The following DPP6 variants were observed in gnomAD, a reference collection of about 807,000 sequenced individuals.
DPP6 encodes the protein A-type potassium channel modulatory protein DPP6.
A neutral mutation model predicts 122.6 loss-of-function variants in DPP6; 69 were observed. The ratio of observed to expected loss-of-function variants is 0.56; its 90% CI spans 0.46 to 0.69. The LOEUF is 0.69. Among genes scored for constraint, DPP6 ranks in the 30% least tolerant of loss-of-function variants. The pLI is 0.00. For synonymous variants in DPP6, 418 were observed against 433.1 expected, an observed-to-expected ratio of 0.97 and a Z score of 0.43; for missense variants, 928 against 1,116.9, an observed-to-expected ratio of 0.83 and a Z score of 2.41.
At chr7:154,348,523 G>A (rs968600570) in intron 1 of DPP6, among the ~76,000 whole-genome samples, 21 of 152,138 alleles carry the variant, frequency 1.4e-4, no homozygotes, top group African/African-American at 5.1e-4. Flanking sequence ...TTAAAGGATA[G>A]CATCATAGAA....
upstream of DPP6, among the ~76,000 whole-genome samples, chr7:153,885,856 C>T (rs1468333880): frequency 1.3e-5 from 2 of 152,112 alleles, no homozygotes; most frequent in African/African-American, 2.4e-5. Context: ...TGCACATGTC[C>T]TAATGTTTTT....
chr7:153,928,360 C>A (rs1801003349), intron 1 of DPP6, among the ~76,000 whole-genome samples: 1 of 137,180 alleles, frequency 7.3e-6, no homozygotes. Context: ...TACAGGCGTG[C>A]ACCACCATAC....
intron 1 of DPP6, among the ~76,000 whole-genome samples, chr7:154,393,235 C>A (rs1228648097): frequency 6.6e-6 from 1 of 152,046 alleles, no homozygotes; most frequent in African/African-American, 2.4e-5. Flanking sequence ...TTTAACTGCC[C>A]CCAAATGGAG....
intron 1 of DPP6, among the ~76,000 whole-genome samples, chr7:154,441,757 G>A (rs547878919): frequency 6.6e-6 from 1 of 152,144 alleles, no homozygotes; most frequent in Non-Finnish European, 1.5e-5. Flanking sequence ...AGACATTGTG[G>A]TGTCTACAAT....
At chr7:154,684,917 G>A (rs1212505908) in intron 7 of DPP6, among the ~76,000 whole-genome samples, 2 of 152,160 alleles carry the variant, frequency 1.3e-5, no homozygotes, top group African/African-American at 4.8e-5. Context: ...AGGGAATGCT[G>A]CCTTTTAAAT....
chr7:154,438,457 G>C (rs1819071020), intron 1 of DPP6, among the ~76,000 whole-genome samples: 2 of 100,548 alleles, frequency 2.0e-5, no homozygotes, highest in South Asian at 8.0e-4. Flanking sequence ...GTGACAGAGT[G>C]AGACTCCAAC....
chr7:154,437,002 A>G (rs1818927299), intron 1 of DPP6, among the ~76,000 whole-genome samples: 2 of 152,182 alleles, frequency 1.3e-5, no homozygotes, highest in African/African-American at 4.8e-5. Flanking sequence ...TGTGATTTGC[A>G]TGGCTATATG....
chr7:153,951,750 CAAG>C (rs1210641759), intron 1 of DPP6, among the ~76,000 whole-genome samples: 1 of 152,112 alleles, frequency 6.6e-6, no homozygotes, highest in African/African-American at 2.4e-5. Flanking sequence ...ACATGATAAT[CAAG>C]AAAAACTGAC....
rs564731376 is a variant in DPP6 at position 154,634,798 on chromosome 7, T to C, written c.628-3023T>C. Among the ~76,000 whole-genome samples, 4 of 152,246 alleles carry C rather than the reference T, an allele frequency of 2.6e-5. No homozygotes were observed. The East Asian group carries it at 5.8e-4, about 22-fold the overall frequency. ...TCTTATGAGCACCACTTAAAAGATA[T>C]CCACAGAGCTGAATTGCAGGGGTGT... On this transcript the variant is annotated intron_variant, in intron 5 of 25. Transcript: ENST00000377770.
chr7:154,838,161 A>G (rs1480865704), intron 16 of DPP6, among the ~76,000 whole-genome samples: 1 of 152,262 alleles, frequency 6.6e-6, no homozygotes, highest in East Asian at 1.9e-4. Flanking sequence ...TAATGACAGC[A>G]GTAAAATAAT....
At chr7:154,312,944 G>T (rs6464402) in intron 1 of DPP6, among the ~76,000 whole-genome samples, 29,859 of 152,080 alleles carry the variant, frequency 0.2, 4,047 homozygotes, top group African/African-American at 0.38. Context: ...ATGAAAATAA[G>T]TTATTTCTTT....
intron 1 of DPP6, among the ~76,000 whole-genome samples, chr7:153,946,489 T>C (rs1801952850): frequency 6.6e-6 from 1 of 152,270 alleles, no homozygotes; most frequent in African/African-American, 2.4e-5. Context: ...GTCACTTTCA[T>C]TGACATCTTG....
chr7:153,940,637 T>G (rs912422618), intron 1 of DPP6, among the ~76,000 whole-genome samples: 2 of 152,126 alleles, frequency 1.3e-5, no homozygotes, highest in African/African-American at 4.8e-5. Flanking sequence ...TATTTCCCCT[T>G]GCATCTCCCT....
intron 16 of DPP6, among the ~76,000 whole-genome samples, chr7:154,834,180 G>A (rs1420340349): frequency 2.0e-5 from 3 of 151,936 alleles, no homozygotes; most frequent in African/African-American, 4.8e-5. Flanking sequence ...ATTAACAACA[G>A]CTCCCAGCCG....
At chr7:154,427,143 A>C (rs979220288) in intron 1 of DPP6, among the ~76,000 whole-genome samples, 1 of 152,206 alleles carries the variant, frequency 6.6e-6, no homozygotes, top group Non-Finnish European at 1.5e-5. Context: ...TGATGTTTTT[A>C]GTTTTCTGCT....
chr7:154,429,068 A>G (rs371839005), intron 1 of DPP6, among the ~76,000 whole-genome samples: 1 of 151,906 alleles, frequency 6.6e-6, no homozygotes, highest in East Asian at 1.9e-4. Flanking sequence ...TAGTCAAAGC[A>G]CCACTGATTT....
chr7:154,097,006 C>G (rs113981349), intron 1 of DPP6, among the ~76,000 whole-genome samples: 37,263 of 151,252 alleles, frequency 0.25, 4,431 homozygotes, highest in Admixed American at 0.34. Context: ...CCGTGTGCTC[C>G]CCTTGTAGGT....
chr7:154,831,140 A>C (rs968763850), intron 16 of DPP6, among the ~76,000 whole-genome samples: 4 of 152,204 alleles, frequency 2.6e-5, no homozygotes, highest in African/African-American at 9.6e-5. Flanking sequence ...AGACCTCTCC[A>C]TCTGGAAAGA....
chr7:153,896,222 A>G (rs1007056959), intron 1 of DPP6, among the ~76,000 whole-genome samples: 1 of 152,234 alleles, frequency 6.6e-6, no homozygotes, highest in African/African-American at 2.4e-5. Context: ...AACAACTTTT[A>G]GTAAAACCTC....
Sources: gnomAD v4.1 joint callset for allele counts (sites outside exome capture counted in the v4.1 genomes callset) on GRCh38, gnomAD v4.1.1 for gene constraint, MANE v1.5 for transcripts, NCBI Gene and HGNC (gene_info 2026-07-23, HGNC 2026-07-21) for gene names.